The following RAPGEF1 variants were observed in gnomAD, a reference collection of about 807,000 sequenced individuals.
RAPGEF1 encodes CRK SH3-binding GNRP.
In RAPGEF1, 33 loss-of-function variants were observed where a neutral mutation model predicts 143.3. The observed-to-expected ratio is 0.23, with a 90% CI of 0.17 to 0.31. The LOEUF (loss-of-function observed/expected upper bound fraction) is 0.31. RAPGEF1 is among the 10% of genes least tolerant of loss of function. The pLI is 1.00. For missense variants in RAPGEF1, 1,199 were observed against 1,645.4 expected (o/e 0.73, Z 4.69); for synonymous variants, 629 against 676.5 (o/e 0.93, Z 1.09).
At chr9:131,657,687 C>T (rs1330800827) in intron 1 of RAPGEF1, among the ~76,000 whole-genome samples, 1 of 152,126 alleles carries the variant, frequency 6.6e-6, no homozygotes, top group Non-Finnish European at 1.5e-5. Context: ...ACTGTGTAAA[C>T]AGCCCCTGGG....
chr9:131,638,645 T>C lies in RAPGEF1; in HGVS notation c.641A>G (p.Asp214Gly). 2 of 1,613,998 alleles carry C rather than the reference T, an allele frequency of 1.2e-6. No individual in the cohort carries two copies. Among genetic ancestry groups the C allele is most frequent in the Non-Finnish European group, 1.7e-6 (2 of 1,179,886 alleles). The change falls in exon 5 of 27, where the codon GAT (aspartate) becomes GGT (glycine). Residue 214 changes from aspartate to glycine, a missense_variant. Around this residue, in one of 6 missense-constraint regions of RAPGEF1, gnomAD observed 613 missense variants for 710.9 expected, o/e 0.86. Coordinates refer to ENST00000683357, the MANE Select transcript of RAPGEF1 (RefSeq NM_001377935.1). Reference sequence around the variant, plus strand: ...AACCTGCACCGGTACCTTCACTCCATCCAGCACAGCCTTGATGACCCCCTT... The same window carrying C: ...AACCTGCACCGGTACCTTCACTCCACCCAGCACAGCCTTGATGACCCCCTT... ...TVKGVIKAVLDGVKELVRLTI... is the reference protein window; with the variant it reads ...TVKGVIKAVLGGVKELVRLTI...
intron 1 of RAPGEF1, among the ~76,000 whole-genome samples, chr9:131,697,831 T>C (rs981799567): frequency 1.3e-5 from 2 of 152,134 alleles, no homozygotes; most frequent in Non-Finnish European, 2.9e-5. Flanking sequence ...CAGTTGATGA[T>C]GACAAGTTCT....
At chr9:131,612,805 T>C (rs1958240510) in intron 12 of RAPGEF1, among the ~76,000 whole-genome samples, 1 of 152,166 alleles carries the variant, frequency 6.6e-6, no homozygotes, top group Non-Finnish European at 1.5e-5. Context: ...AAACTGTGTT[T>C]CAAGGGCTCT....
chr9:131,735,670 T>A (rs1837367574), intron 1 of RAPGEF1, among the ~76,000 whole-genome samples: 1 of 152,164 alleles, frequency 6.6e-6, no homozygotes, highest in Non-Finnish European at 1.5e-5. Flanking sequence ...GAGGAGGGGA[T>A]GCAAACGCAA....
At chr9:131,673,028 G>C (rs971030477) in intron 1 of RAPGEF1, among the ~76,000 whole-genome samples, 1 of 152,150 alleles carries the variant, frequency 6.6e-6, no homozygotes, top group Non-Finnish European at 1.5e-5. Context: ...TTCAGGGCTT[G>C]CTTGTTTATA....
Position 131,580,332 on chromosome 9 carries a change from C to T in RAPGEF1, c.3572G>A (p.Gly1191Glu). ...VHLGNPDYID[G>E]KVNFSKRWQQ... ...CCACCGCTTGGAGAAGTTCACTTTC[C>T]CGTCGATGTAGTCTGGGTTTCCCAG... Residue 1191 changes from glycine (G) to glutamate (E), a missense_variant, in exon 26 of 27, where the codon GGG (glycine) becomes GAG (glutamate). Around this residue, in one of 6 missense-constraint regions of RAPGEF1, gnomAD observed 67 missense variants for 105.4 expected, o/e 0.64. Transcript: ENST00000683357. The T allele has an allele frequency of 6.2e-7, 1 of 1,614,006 alleles. No individual in the cohort carries two copies. Among genetic ancestry groups the T allele is most frequent in the Admixed American group, 1.7e-5 (1 of 60,028 alleles).
Position 131,655,233 on chromosome 9 carries a change from G to A in RAPGEF1, c.62-4284C>T, listed in dbSNP as rs1274785747. 6.6e-6 allele frequency among the ~76,000 whole-genome samples: 1 copy of A among 152,218 alleles called. No homozygotes were observed. Among genetic ancestry groups the A allele is most frequent in the African/African-American group, 2.4e-5 (1 of 41,458 alleles). ...CTCTGGACCAAAGAGAAAAGCCAGG[G>A]CCTGACCCGCATTCACATGTGGTCA... On this transcript the variant is annotated intron_variant, in intron 1 of 26. Transcript: ENST00000683357. The surrounding 1 kb of genome is among the most constrained non-coding windows in gnomAD (Gnocchi z 4.1).
chr9:131,586,229 C>T (rs189769617), intron 22 of RAPGEF1, among the ~76,000 whole-genome samples: 1 of 149,876 alleles, frequency 6.7e-6, no homozygotes, highest in East Asian at 2.0e-4. Context: ...CACACACACA[C>T]ACACCTGCAG....
intron 5 of RAPGEF1, among the ~76,000 whole-genome samples, chr9:131,632,471 C>T (rs1485233470): frequency 6.6e-6 from 1 of 152,090 alleles, no homozygotes; most frequent in Non-Finnish European, 1.5e-5. Flanking sequence ...AGAAAAATGT[C>T]ATGAATGTGT....
chr9:131,642,695 G>A (rs1968370342), intron 4 of RAPGEF1, among the ~76,000 whole-genome samples: 1 of 152,166 alleles, frequency 6.6e-6, no homozygotes, highest in Non-Finnish European at 1.5e-5. Flanking sequence ...TCCCTGTGCA[G>A]CCTCCAGGCT....
chr9:131,734,541 AAGG>A (rs1260506118), intron 1 of RAPGEF1, among the ~76,000 whole-genome samples: 2 of 152,192 alleles, frequency 1.3e-5, no homozygotes, highest in African/African-American at 4.8e-5. Context: ...GGGTGAGTGA[AAGG>A]AGGCAGAGCA....
At chr9:131,708,987 C>A (rs1835302808) in intron 1 of RAPGEF1, among the ~76,000 whole-genome samples, 1 of 152,188 alleles carries the variant, frequency 6.6e-6, no homozygotes, top group South Asian at 2.1e-4. Flanking sequence ...CCTACCTTGG[C>A]CTCCCAAAGT....
chr9:131,643,578 AG>A (rs1968664499), intron 3 of RAPGEF1, among the ~76,000 whole-genome samples, 161 bp from the exon 4 acceptor site: 1 of 152,242 alleles, frequency 6.6e-6, no homozygotes, highest in African/African-American at 2.4e-5. Context: ...GATTGTAATC[AG>A]GAGACAGAGG....
chr9:131,734,955 C>T (rs970219690), intron 1 of RAPGEF1, among the ~76,000 whole-genome samples: 3 of 152,246 alleles, frequency 2.0e-5, no homozygotes, highest in African/African-American at 7.2e-5. Context: ...TCCAAGGTGA[C>T]AGGAGCTACA....
At position 131,650,696 on chromosome 9, in the gene RAPGEF1, G is replaced by A. The variant is rs1273658734; in HGVS notation, c.201+114C>T. On this transcript the variant is annotated intron_variant, in intron 2 of 26. Coordinates refer to ENST00000683357, the MANE Select transcript of RAPGEF1 (RefSeq NM_001377935.1). The surrounding 1 kb of genome is among the most constrained non-coding windows in gnomAD (Gnocchi z 4.7). ...AAAGGTCCCGCCCATGGAATGCTACGAAGTAGGTATGATGCACTGAAAGCT... is the reference window on the plus strand; with the variant it reads ...AAAGGTCCCGCCCATGGAATGCTACAAAGTAGGTATGATGCACTGAAAGCT... 1.5e-5 allele frequency: 22 copies of A among 1,426,914 alleles called. No homozygotes were observed. The East Asian group carries it at 3.7e-4, about 24-fold the overall frequency. The allele number at this position is 1,426,914 out of a possible 1,614,324, so 88.4% of individuals were successfully genotyped here.
chr9:131,591,454 TTTGGAC>T (rs1299843159), intron 18 of RAPGEF1, among the ~76,000 whole-genome samples: 2 of 152,074 alleles, frequency 1.3e-5, no homozygotes, highest in Non-Finnish European at 2.9e-5. Context: ...GATGGGCAGG[TTTGGAC>T]TTGAAGAGGC....
intron 12 of RAPGEF1, among the ~76,000 whole-genome samples, chr9:131,618,763 C>G (rs974690880): frequency 6.6e-6 from 1 of 152,124 alleles, no homozygotes; most frequent in Admixed American, 6.6e-5. Context: ...AGGTCCAAAG[C>G]GAGATTGGGA....
intron 1 of RAPGEF1, among the ~76,000 whole-genome samples, chr9:131,717,079 T>A (rs1190207853): frequency 1.3e-5 from 2 of 152,186 alleles, no homozygotes; most frequent in African/African-American, 2.4e-5. Flanking sequence ...TCTGCTTCAC[T>A]TGGACCATGG....
At chr9:131,687,897 G>A (rs3857980) in intron 1 of RAPGEF1, among the ~76,000 whole-genome samples, 131,628 of 152,280 alleles carry the variant, frequency 0.86, 57,093 homozygotes, top group African/African-American at 0.93. Flanking sequence ...ATAGTTTAAT[G>A]ACAAAACCCT....
Sources: gnomAD v4.1 joint callset for allele counts (sites outside exome capture counted in the v4.1 genomes callset) on GRCh38, gnomAD v4.1.1 for gene constraint, gnomAD v4.1.1 regional missense constraint, Gnocchi (gnomAD v3.1) non-coding constraint, MANE v1.5 for transcripts, NCBI Gene and HGNC (gene_info 2026-07-23, HGNC 2026-07-21) for gene names.